The following CACNA1C variants were observed in gnomAD, a reference collection of about 807,000 sequenced individuals.
CACNA1C encodes the protein calcium voltage-gated channel subunit alpha1 C.
A neutral mutation model predicts 229.0 loss-of-function variants in CACNA1C; 30 were observed. The observed-to-expected ratio is 0.13, with a 90% CI of 0.10 to 0.18. The LOEUF (loss-of-function observed/expected upper bound fraction) is 0.18. Among genes scored for constraint, CACNA1C ranks in the 10% least tolerant of loss-of-function variants. CACNA1C has a pLI of 1.00. For missense variants in CACNA1C, 1,658 were observed against 2,845.0 expected, an observed-to-expected ratio of 0.58 and a Z score of 9.49; for synonymous variants, 1,114 against 1,132.5, an observed-to-expected ratio of 0.98 and a Z score of 0.33.
chr12:2,684,643 C>T (rs1188974217), intron 43 of CACNA1C, among the ~76,000 whole-genome samples: 1 of 152,146 alleles, frequency 6.6e-6, no homozygotes, highest in Non-Finnish European at 1.5e-5. Flanking sequence ...CAGAGTGGTA[C>T]AACCCCCAGG....
rs1273764248 is a variant in CACNA1C, at chr12:2,139,963, G to T, written c.477+19533G>T. 1.3e-5 allele frequency among the ~76,000 whole-genome samples: 2 copies of T among 151,032 alleles called. 1 individual carries two copies. Among genetic ancestry groups the T allele is most frequent in the Non-Finnish European group, 3.0e-5 (2 of 67,488 alleles). On this transcript the variant is annotated intron_variant, in intron 3 of 46. Coordinates refer to ENST00000399655, the MANE Select transcript of CACNA1C (RefSeq NM_000719.7). ...CTCAGGGTGCTGTGAATCAGGTTTG[G>T]CAGGGGTCTCAGCAGGGGCTTATCT...
At chr12:2,086,985 T>C (rs577670021) in intron 1 of CACNA1C, among the ~76,000 whole-genome samples, 2 of 152,294 alleles carry the variant, frequency 1.3e-5, no homozygotes, top group South Asian at 4.1e-4. Flanking sequence ...GACCTCGTGA[T>C]TCCCAGGGCT....
rs1594885628 is a variant in CACNA1C at position 2,067,471 on chromosome 12, T to C, written c.49+13860T>C. 7.8e-6 allele frequency among the ~76,000 whole-genome samples: 1 copy of C among 129,028 alleles called. No homozygotes were observed. The highest frequency in any genetic ancestry group is 2.7e-5 in the African/African-American group (1 of 36,502). 84.6% of individuals were successfully genotyped at this position (129,028 alleles called of 152,430 possible). ...GCACGTGTGTGTGTGTGTGTGTGTG[T>C]GTGTGTGTGTGCGCGCGTGTGCGTG... On this transcript the variant is annotated intron_variant, in intron 1 of 46. Transcript: ENST00000399655. The surrounding 1 kb of genome is among the most constrained non-coding windows in gnomAD (Gnocchi z 5.3).
intron 29 of CACNA1C, chr12:2,614,642 G>A (rs1043667445): frequency 1.3e-5 from 2 of 152,194 alleles, no homozygotes; most frequent in African/African-American, 2.4e-5. Context: ...ACTCTGTGCT[G>A]CACTTTTTAT....
chr12:2,637,927 C>A (rs2093050396), intron 30 of CACNA1C, among the ~76,000 whole-genome samples: 1 of 152,200 alleles, frequency 6.6e-6, no homozygotes, highest in African/African-American at 2.4e-5. Flanking sequence ...TCCAAATATT[C>A]CCCACATTTA....
rs1329491058 is a variant in CACNA1C, at chr12:2,235,774, T to C, written c.477+115344T>C. 2.0e-5 allele frequency among the ~76,000 whole-genome samples: 3 copies of C among 152,250 alleles called. No homozygotes were observed. The East Asian group carries it at 5.8e-4, about 29-fold the overall frequency. Reference sequence around the variant, plus strand: ...AAAGAAGCTGTCTCTGGCAGGCAGGTAGGAGCAGTCCGGTGCACCAGAGCT... The same window carrying C: ...AAAGAAGCTGTCTCTGGCAGGCAGGCAGGAGCAGTCCGGTGCACCAGAGCT... On this transcript the variant is annotated intron_variant, in intron 3 of 46. Coordinates refer to ENST00000399655, the MANE Select transcript of CACNA1C (RefSeq NM_000719.7).
At chr12:2,443,445 T>G (rs147625766) in intron 3 of CACNA1C, among the ~76,000 whole-genome samples, 2 of 152,302 alleles carry the variant, frequency 1.3e-5, no homozygotes, top group Non-Finnish European at 2.9e-5. Context: ...GTTTCCATGC[T>G]ATTGGTCTGG....
At chr12:2,626,528 A>G (rs901960212) in intron 29 of CACNA1C, among the ~76,000 whole-genome samples, 1 of 152,156 alleles carries the variant, frequency 6.6e-6, no homozygotes, top group African/African-American at 2.4e-5. Context: ...TTCAGAGTGC[A>G]TGGTGCTGTT....
intron 25 of CACNA1C, 149 bp downstream of exon 25, chr12:2,606,812 G>A (rs957977875): frequency 2.1e-6 from 2 of 958,108 alleles, no homozygotes; most frequent in African/African-American, 1.6e-5. Context: ...CGGACACAAT[G>A]TGTAGCATTT....
chr12:2,396,229 T>C (rs1248404476), intron 3 of CACNA1C, among the ~76,000 whole-genome samples: 3 of 152,158 alleles, frequency 2.0e-5, no homozygotes, highest in Non-Finnish European at 4.4e-5. Flanking sequence ...GTGACACACA[T>C]CTGTTCAAGC....
chr12:2,632,496 G>T lies in CACNA1C; in HGVS notation c.3829-1801G>T, dbSNP rs1404484505. 6.6e-6 allele frequency among the ~76,000 whole-genome samples: 1 copy of T among 152,144 alleles called. No individual in the cohort carries two copies. The highest frequency in any genetic ancestry group is 1.5e-5 in the Non-Finnish European group (1 of 68,032). The stretch of plus-strand genomic sequence containing the variant: ...GGGCCTCTGGGACAGCCCATTCCTT[G>T]GTTGACCTGTTGTCCAAGTACATGA... On this transcript the variant is annotated intron_variant, in intron 29 of 46. Transcript: ENST00000399655. The surrounding 1 kb of genome is among the most constrained non-coding windows in gnomAD (Gnocchi z 4.1).
chr12:2,587,515 C>T (rs2063052095), intron 18 of CACNA1C, among the ~76,000 whole-genome samples: 1 of 152,150 alleles, frequency 6.6e-6, no homozygotes, highest in Admixed American at 6.5e-5. Flanking sequence ...CTTGCATCTT[C>T]AACAAAAATC....
At chr12:2,281,186 CG>C (rs1488394715) in intron 3 of CACNA1C, among the ~76,000 whole-genome samples, 2 of 146,930 alleles carry the variant, frequency 1.4e-5, no homozygotes, top group Non-Finnish European at 3.0e-5. Flanking sequence ...ACATATAGTA[CG>C]GGAACTTCAC....
chr12:2,567,809 C>T lies in CACNA1C; in HGVS notation c.1895+15C>T, dbSNP rs761226093. The stretch of plus-strand genomic sequence containing the variant: ...AAGATCACGAGGTACTGGGCTCCCC[C>T]TCTCACTTTGAAGAGGGGACTCAGG... On this transcript the variant is annotated intron_variant, in intron 13 of 46. Transcript: ENST00000399655. 3.9e-6 allele frequency: 6 copies of T among 1,532,612 alleles called. No individual in the cohort carries two copies. The highest frequency in any genetic ancestry group is 1.7e-5 in the Admixed American group (1 of 58,868). The allele number at this position is 1,532,612 out of a possible 1,614,324, so 94.9% of individuals were successfully genotyped here.
chr12:2,262,586 T>G (rs1414984673), intron 3 of CACNA1C, among the ~76,000 whole-genome samples: 2 of 152,130 alleles, frequency 1.3e-5, no homozygotes, highest in Non-Finnish European at 2.9e-5. Flanking sequence ...CACCAAGAGC[T>G]GTGGGCAGAA....
intron 3 of CACNA1C, among the ~76,000 whole-genome samples, chr12:2,340,640 T>TGATCC (rs1164197153): frequency 1.3e-5 from 2 of 152,206 alleles, no homozygotes; most frequent in Non-Finnish European, 2.9e-5. Context: ...GAGATTGATT[T>TGATCC]GATCCATAGC....
chr12:2,606,211 G>A (rs962705599), intron 24 of CACNA1C, among the ~76,000 whole-genome samples: 9 of 152,048 alleles, frequency 5.9e-5, no homozygotes, highest in African/African-American at 9.7e-5. Flanking sequence ...AGCACCCCTC[G>A]TGTCCTCCTT....
At position 2,147,447 on chromosome 12, in the gene CACNA1C, A is replaced by T. The variant is rs760564445; in HGVS notation, c.477+27017A>T. Reference sequence around the variant, plus strand: ...GAAATGCCAAATTTGGGCAAAGCAGACCTCTAGCTTTATTGGTATTGGGGC... The same window carrying T: ...GAAATGCCAAATTTGGGCAAAGCAGTCCTCTAGCTTTATTGGTATTGGGGC... On this transcript the variant is annotated intron_variant, in intron 3 of 46. Transcript: ENST00000399655. Among the ~76,000 whole-genome samples the T allele has an allele frequency of 1.3e-5, 2 of 151,214 alleles. 1 individual carries two copies. The highest frequency in any genetic ancestry group is 3.0e-5 in the Non-Finnish European group (2 of 67,644).
intron 3 of CACNA1C, among the ~76,000 whole-genome samples, chr12:2,357,635 G>GT: frequency 1.6e-5 from 2 of 128,470 alleles, no homozygotes; most frequent in Middle Eastern, 4.2e-3. Context: ...TAGTCTGCTT[G>GT]TTTTTTATTT....
Sources: allele counts gnomAD v4.1 joint callset (sites outside exome capture counted in the v4.1 genomes callset), GRCh38; gene constraint gnomAD v4.1.1; non-coding constraint Gnocchi (gnomAD v3.1); transcripts MANE v1.5; gene names NCBI Gene and HGNC (gene_info 2026-07-23, HGNC 2026-07-21).